Variants in KCNQ5 observed in about 807,000 individuals in gnomAD.
The protein encoded by KCNQ5 is potassium voltage-gated channel subfamily Q member 5.
A neutral mutation model predicts 98.2 loss-of-function variants in KCNQ5; 30 were observed. The ratio of observed to expected loss-of-function variants is 0.31; its 90% confidence interval spans 0.23 to 0.41. KCNQ5 has a LOEUF of 0.41. Among genes scored for constraint, KCNQ5 ranks in the 10% least tolerant of loss-of-function variants. KCNQ5 has a pLI of 1.00. For missense variants in KCNQ5, 835 were observed against 1,182.5 expected (o/e 0.71, Z 4.31); for synonymous variants, 458 against 449.4 (o/e 1.02, Z -0.24).
intron 1 of KCNQ5, among the ~76,000 whole-genome samples, chr6:72,729,972 G>T (rs534444356): frequency 6.6e-6 from 1 of 152,034 alleles, no homozygotes; most frequent in African/African-American, 2.4e-5. Context: ...ACCATCTTGG[G>T]CCACATAGTA....
At chr6:72,930,340 C>T (rs1765634224) in intron 1 of KCNQ5, among the ~76,000 whole-genome samples, 1 of 152,042 alleles carries the variant, frequency 6.6e-6, no homozygotes, top group African/African-American at 2.4e-5. Context: ...CTTAAAACTT[C>T]AAAGGAAGTT....
At chr6:72,835,967 T>C (rs779759098) in intron 1 of KCNQ5, among the ~76,000 whole-genome samples, 1 of 152,182 alleles carries the variant, frequency 6.6e-6, no homozygotes, top group Non-Finnish European at 1.5e-5. Flanking sequence ...AAATGAGCCA[T>C]AGACAGGGAA....
At chr6:73,171,620 A>G (rs1225176609) in intron 11 of KCNQ5, among the ~76,000 whole-genome samples, 1 of 152,230 alleles carries the variant, frequency 6.6e-6, no homozygotes, top group African/African-American at 2.4e-5. Context: ...CACCATTCAT[A>G]TTTCAACTGT....
intron 3 of KCNQ5, among the ~76,000 whole-genome samples, chr6:73,044,736 T>A (rs1397116135): frequency 6.6e-6 from 1 of 152,232 alleles, no homozygotes; most frequent in Non-Finnish European, 1.5e-5. Context: ...TTGTTCAACC[T>A]AATTTACTGT....
intron 7 of KCNQ5, among the ~76,000 whole-genome samples, chr6:73,119,560 A>G (rs1775658865): frequency 6.6e-6 from 1 of 152,222 alleles, no homozygotes; most frequent in South Asian, 2.1e-4. Context: ...CCTAGAGAGT[A>G]CATTTTCCCC....
At chr6:73,085,474 C>A (rs907491039) in intron 5 of KCNQ5, among the ~76,000 whole-genome samples, 2 of 152,164 alleles carry the variant, frequency 1.3e-5, no homozygotes, top group African/African-American at 4.8e-5. Flanking sequence ...ACATCCCTAG[C>A]TCCTTTGAAA....
intron 5 of KCNQ5, among the ~76,000 whole-genome samples, chr6:73,083,199 C>T (rs1000571371): frequency 6.6e-6 from 1 of 152,140 alleles, no homozygotes; most frequent in South Asian, 2.1e-4. Context: ...CGTCCCATTC[C>T]TAAACCTTTT....
intron 1 of KCNQ5, among the ~76,000 whole-genome samples, chr6:72,736,148 A>G (rs913154545): frequency 6.6e-6 from 1 of 152,002 alleles, no homozygotes; most frequent in African/African-American, 2.4e-5. Flanking sequence ...AAGATTTGTG[A>G]CACTGACAAT....
At chr6:73,157,296 G>A (rs144640060) in intron 10 of KCNQ5, among the ~76,000 whole-genome samples, 1 of 152,244 alleles carries the variant, frequency 6.6e-6, no homozygotes, top group East Asian at 1.9e-4. Flanking sequence ...CTCCTGGGAG[G>A]CGTTGGAGAA....
chr6:73,166,365 G>A (rs1324663057), intron 10 of KCNQ5, among the ~76,000 whole-genome samples: 2 of 151,870 alleles, frequency 1.3e-5, no homozygotes, highest in Non-Finnish European at 2.9e-5. Flanking sequence ...GAACCTGGGA[G>A]GCAGAGCTTG....
rs572114159 is a variant in KCNQ5 at position 73,016,027 on chromosome 6, C to T, written c.489+12029C>T. Reference sequence around the variant, plus strand: ...TAAGAGCTGAGGAGATAGCAATGAACAAAACAGCCAAAATCTCTGTTCTCA... The same window carrying T: ...TAAGAGCTGAGGAGATAGCAATGAATAAAACAGCCAAAATCTCTGTTCTCA... On this transcript the variant is annotated intron_variant, in intron 2 of 13. Coordinates refer to ENST00000370398, the MANE Select transcript of KCNQ5 (RefSeq NM_019842.4). Among the ~76,000 whole-genome samples the T allele has an allele frequency of 1.3e-5, 2 of 152,046 alleles. 1 individual carries two copies. Among genetic ancestry groups the T allele is most frequent in the South Asian group, 4.2e-4 (2 of 4,806 alleles).
At chr6:72,631,331 A>G (rs2098920678) in intron 1 of KCNQ5, among the ~76,000 whole-genome samples, 1 of 152,222 alleles carries the variant, frequency 6.6e-6, no homozygotes, top group Non-Finnish European at 1.5e-5. Flanking sequence ...CGAGGAAGGC[A>G]AATAAAGATA....
At chr6:72,868,053 G>C (rs1358617280) in intron 1 of KCNQ5, among the ~76,000 whole-genome samples, 1 of 152,098 alleles carries the variant, frequency 6.6e-6, no homozygotes, top group South Asian at 2.1e-4. Context: ...GAACAGACCA[G>C]GGCCAATCCG....
At chr6:73,190,388 C>A (rs1014162156) in intron 11 of KCNQ5, among the ~76,000 whole-genome samples, 185 bp from the exon 12 acceptor site, 1 of 152,298 alleles carries the variant, frequency 6.6e-6, no homozygotes, top group African/African-American at 2.4e-5. Flanking sequence ...TGTTGTCTCA[C>A]ATGAGATGTT....
At chr6:72,873,757 CCAGA>C (rs1245130753) in intron 1 of KCNQ5, among the ~76,000 whole-genome samples, 4 of 152,024 alleles carry the variant, frequency 2.6e-5, no homozygotes, top group African/African-American at 9.6e-5. Context: ...TTCTTGTTTC[CCAGA>C]CAAATGAGAT....
intron 1 of KCNQ5, among the ~76,000 whole-genome samples, chr6:72,864,546 A>G (rs1777901066): frequency 6.6e-6 from 1 of 152,170 alleles, no homozygotes. Context: ...ACACTCTGAT[A>G]TTTTTATTAA....
At chr6:72,830,346 A>C (rs887555375) in intron 1 of KCNQ5, among the ~76,000 whole-genome samples, 2 of 152,224 alleles carry the variant, frequency 1.3e-5, no homozygotes, top group Admixed American at 6.5e-5. Context: ...CTACAAGGCT[A>C]CAGTAACCAA....
intron 2 of KCNQ5, among the ~76,000 whole-genome samples, chr6:73,033,639 T>C (rs1771250794): frequency 6.6e-6 from 1 of 152,136 alleles, no homozygotes; most frequent in South Asian, 2.1e-4. Flanking sequence ...GTCATTTTTT[T>C]CCAAGGCAGG....
chr6:72,684,999 A>G (rs117987901), intron 1 of KCNQ5, among the ~76,000 whole-genome samples: 4,333 of 152,174 alleles, frequency 0.028, 100 homozygotes, highest in Non-Finnish European at 0.044. Flanking sequence ...CCCTCCCTCT[A>G]TATTGTTTGT....
Sources: gnomAD v4.1 joint callset for allele counts (sites outside exome capture counted in the v4.1 genomes callset) on GRCh38, gnomAD v4.1.1 for gene constraint, MANE v1.5 for transcripts, NCBI Gene and HGNC (gene_info 2026-07-23, HGNC 2026-07-21) for gene names.